Variants in HMGA2 observed in about 807,000 individuals in gnomAD.
HMGA2 encodes the protein high mobility group protein HMGI-C.
Under a neutral mutation model 19.1 loss-of-function variants are expected in HMGA2, and 8 were observed. The ratio of observed to expected loss-of-function variants is 0.42; its 90% CI spans 0.25 to 0.76. The LOEUF is 0.76. HMGA2 is among the 30% of genes least tolerant of loss of function. The pLI is 0.28. For missense variants in HMGA2, 109 were observed against 136.3 expected (o/e 0.80, Z 1.00); for synonymous variants, 60 against 48.8 (o/e 1.23, Z -0.96).
chr12:65,911,505 G>T lies in HMGA2; in HGVS notation c.250-39878G>T, dbSNP rs146209067. ...TCTCTGCTGGCACATTGCTTGGCAG[G>T]ACTCCAGGGAAAGCTGTGTGATGAC... On this transcript the variant is annotated intron_variant, in intron 3 of 4. Transcript: ENST00000403681. Among the ~76,000 whole-genome samples the T allele has an allele frequency of 8.7e-3, 1,330 of 152,218 alleles. 8 individuals carry two copies. The highest frequency in any genetic ancestry group is 0.011 in the Non-Finnish European group (752 of 68,024).
chr12:65,824,721 C>CTCTCTCTCTCTCTCTGTCTG lies in HMGA2; in HGVS notation c.-535_-534insGTCTGTCTCTCTCTCTCTCT, dbSNP rs1565697458. ...CTTTCAATCTCAATCTCTTCTCTCT[C>CTCTCTCTCTCTCTCTGTCTG]TCTCTCTCTCTCTCTCTCTCTCTCT... is the stretch of plus-strand genomic sequence containing the variant. On this transcript the variant is annotated 5_prime_UTR_variant, in exon 1 of 5. Coordinates refer to ENST00000403681, the MANE Select transcript of HMGA2 (RefSeq NM_003483.6). 1.0e-5 allele frequency: 1 copy of CTCTCTCTCTCTCTCTGTCTG among 97,900 alleles called. No homozygotes were observed. The highest frequency in any genetic ancestry group is 4.4e-5 in the African/African-American group (1 of 22,818). The allele number at this position is 97,900 out of a possible 1,614,324, so 6.1% of individuals were successfully genotyped here.
In HMGA2 at chr12:65,965,084, A is replaced by G. The variant is rs1378632941; in HGVS notation, c.*1792A>G. The stretch of plus-strand genomic sequence containing the variant: ...ACTATTTTTGTAAAAGACATTTGAT[A>G]GAAAGGAACACGTTTTTACATACTT... On this transcript the variant is annotated 3_prime_UTR_variant, in exon 5 of 5. Coordinates refer to ENST00000403681, the MANE Select transcript of HMGA2 (RefSeq NM_003483.6). 5.2e-6 allele frequency: 1 copy of G among 191,660 alleles called. No individual in the cohort carries two copies. Among genetic ancestry groups the G allele is most frequent in the Non-Finnish European group, 1.1e-5 (1 of 91,338 alleles). 11.9% of individuals were successfully genotyped at this position (191,660 alleles called of 1,614,324 possible). A position where few individuals can be genotyped will look rare whatever the true frequency, so the allele number is the denominator to read the frequency against.
chr12:65,846,630 TTTG>T (rs1263534058), intron 3 of HMGA2, among the ~76,000 whole-genome samples: 2 of 152,216 alleles, frequency 1.3e-5, no homozygotes, highest in Admixed American at 1.3e-4. Flanking sequence ...AAACACTTTT[TTTG>T]TTGTTGTTGT....
At chr12:65,871,646 T>C (rs1872716883) in intron 3 of HMGA2, among the ~76,000 whole-genome samples, 1 of 152,232 alleles carries the variant, frequency 6.6e-6, no homozygotes, top group Non-Finnish European at 1.5e-5. Flanking sequence ...ATGGGGATTC[T>C]GAAGGTGCGG....
At chr12:65,952,276 C>G (rs1331039065) in intron 4 of HMGA2, 2 of 1,003,310 alleles carry the variant, frequency 2.0e-6, no homozygotes, top group African/African-American at 3.2e-5. Context: ...AAGTAGAACT[C>G]TTTCATGTAA....
intron 2 of HMGA2, chr12:65,830,680 G>C (rs1280343480): frequency 6.6e-6 from 1 of 151,892 alleles, no homozygotes; most frequent in East Asian, 1.9e-4. Flanking sequence ...TGGGACATTT[G>C]AAAACAAAGC....
intron 3 of HMGA2, among the ~76,000 whole-genome samples, chr12:65,883,989 C>G (rs570838212): frequency 6.6e-6 from 1 of 152,182 alleles, no homozygotes; most frequent in African/African-American, 2.4e-5. Flanking sequence ...CCTCAGCCTC[C>G]CGGGTAACTG....
At chr12:65,953,833 T>G (rs1876531573) in intron 4 of HMGA2, 1 of 152,242 alleles carries the variant, frequency 6.6e-6, no homozygotes, top group African/African-American at 2.4e-5. Flanking sequence ...ATGTAAATTT[T>G]ACACTACATT....
At chr12:65,948,995 G>T (rs1056912815) in intron 3 of HMGA2, among the ~76,000 whole-genome samples, 1 of 152,168 alleles carries the variant, frequency 6.6e-6, no homozygotes, top group African/African-American at 2.4e-5. Context: ...GAGTAAACAT[G>T]TGTACAGGTG....
At position 65,825,207 on chromosome 12, in the gene HMGA2, T is replaced by G; in HGVS notation, c.-64T>G. The G allele has an allele frequency of 7.1e-7, 1 of 1,401,644 alleles. No homozygotes were observed. The highest frequency in any genetic ancestry group is 9.7e-7 in the Non-Finnish European group (1 of 1,035,016). The allele number at this position is 1,401,644 out of a possible 1,614,324, so 86.8% of individuals were successfully genotyped here. On this transcript the variant is annotated 5_prime_UTR_variant, in exon 1 of 5. Coordinates refer to ENST00000403681, the MANE Select transcript of HMGA2 (RefSeq NM_003483.6). This position sits in a 1 kb window ranked among gnomAD's most constrained non-coding sequence, Gnocchi z 4.4. ...TATCACCTCATCTCCCGAAAGGTGC[T>G]GGGCAGCTCCGGGGCGGTCGAGGCG...
At chr12:65,929,634 TG>T (rs1432113662) in intron 3 of HMGA2, among the ~76,000 whole-genome samples, 2 of 152,074 alleles carry the variant, frequency 1.3e-5, no homozygotes, top group Non-Finnish European at 2.9e-5. Flanking sequence ...TATAAAGAGA[TG>T]TATATTTAAG....
At chr12:65,863,708 A>G (rs2120995256) in intron 3 of HMGA2, among the ~76,000 whole-genome samples, 1 of 152,334 alleles carries the variant, frequency 6.6e-6, no homozygotes, top group East Asian at 1.9e-4. Flanking sequence ...GGAATACCAA[A>G]TCCTGTGCCC....
intron 3 of HMGA2, among the ~76,000 whole-genome samples, chr12:65,923,362 G>C (rs1875388710): frequency 6.6e-6 from 1 of 152,182 alleles, no homozygotes; most frequent in Non-Finnish European, 1.5e-5. Flanking sequence ...CTGAAGACTG[G>C]GGGTTAGGGG....
At chr12:65,879,116 GA>G (rs749680036) in intron 3 of HMGA2, among the ~76,000 whole-genome samples, 2 of 151,948 alleles carry the variant, frequency 1.3e-5, no homozygotes, top group East Asian at 3.9e-4. Flanking sequence ...TCCCCTGAAA[GA>G]AAAAAAATAA....
chr12:65,964,301 G>A lies in HMGA2; in HGVS notation c.*1009G>A, dbSNP rs77692662. 4.4e-4 allele frequency: 59 copies of A among 134,890 alleles called. No individual in the cohort carries two copies. The highest frequency in any genetic ancestry group is 4.5e-4 in the African/African-American group (15 of 33,360). 8.4% of individuals were successfully genotyped at this position (134,890 alleles called of 1,614,324 possible). A position where few individuals can be genotyped will look rare whatever the true frequency, so the allele number is the denominator to read the frequency against. ...CAATTTAAAAAGCAAAAAAAAAAAA[G>A]GGGGGGGCAATCTCTCTCTGTGTCT... On this transcript the variant is annotated 3_prime_UTR_variant, in exon 5 of 5. Coordinates refer to ENST00000403681, the MANE Select transcript of HMGA2 (RefSeq NM_003483.6).
intron 3 of HMGA2, among the ~76,000 whole-genome samples, chr12:65,886,324 C>G (rs759093003): frequency 3.3e-5 from 5 of 151,646 alleles, no homozygotes; most frequent in Non-Finnish European, 7.4e-5. Flanking sequence ...ACCCTTAGTC[C>G]CTGTTTCCTC....
intron 3 of HMGA2, among the ~76,000 whole-genome samples, chr12:65,933,997 A>G (rs546328871): frequency 3.9e-5 from 6 of 152,296 alleles, no homozygotes; most frequent in Admixed American, 2.0e-4. Flanking sequence ...GTAAACTCCT[A>G]TATCAACTAT....
At chr12:65,851,820 G>C (rs1871486588) in intron 3 of HMGA2, among the ~76,000 whole-genome samples, 1 of 152,194 alleles carries the variant, frequency 6.6e-6, no homozygotes, top group African/African-American at 2.4e-5. Flanking sequence ...TGATATGGTA[G>C]ATGGAACACT....
At chr12:65,887,671 C>T (rs201069508) in intron 3 of HMGA2, among the ~76,000 whole-genome samples, 9 of 151,828 alleles carry the variant, frequency 5.9e-5, no homozygotes, top group East Asian at 5.8e-4. Flanking sequence ...TGCAGTGAGC[C>T]GAGATCACGC....
Sources: gnomAD v4.1 joint callset for allele counts (sites outside exome capture counted in the v4.1 genomes callset) on GRCh38, gnomAD v4.1.1 for gene constraint, Gnocchi (gnomAD v3.1) non-coding constraint, MANE v1.5 for transcripts, NCBI Gene and HGNC (gene_info 2026-07-23, HGNC 2026-07-21) for gene names.